GOLGA4: variants seen among roughly 807,000 people sequenced by gnomAD.
GOLGA4 encodes the protein golgin subfamily A member 4.
A neutral mutation model predicts 265.9 loss-of-function variants in GOLGA4; 169 were observed. That is an observed-to-expected ratio of 0.64 (90% CI 0.56 to 0.72). GOLGA4 has a LOEUF of 0.72. Ranked by LOEUF, GOLGA4 falls within the 30% of genes least tolerant of loss-of-function variation. The pLI is 0.00. For synonymous variants in GOLGA4, 923 were observed against 855.8 expected (o/e 1.08, Z -1.37); for missense variants, 2,482 against 2,483.4 (o/e 1.00, Z 0.01).
chr3:37,287,002 T>C (rs537394608), intron 4 of GOLGA4, among the ~76,000 whole-genome samples: 25 of 152,304 alleles, frequency 1.6e-4, no homozygotes, highest in Admixed American at 1.2e-3. Context: ...AGGAGAAATA[T>C]CCATTCCCTT....
In GOLGA4 at chr3:37,337,173, GTTC is replaced by G. The variant is rs751448255; in HGVS notation, c.6327+16_6327+18del. The G allele has an allele frequency of 1.3e-5, 17 of 1,349,104 alleles. No homozygotes were observed. Among genetic ancestry groups the G allele is most frequent in the Middle Eastern group, 2.0e-4 (1 of 5,038 alleles). 83.6% of individuals were successfully genotyped at this position (1,349,104 alleles called of 1,614,324 possible). A position where few individuals can be genotyped will look rare whatever the true frequency, so the allele number is the denominator to read the frequency against. On this transcript the variant is annotated intron_variant, in intron 18 of 23. Transcript: ENST00000361924. Reference sequence around the variant, plus strand: ...AATTATGGAGCTACAGGTAAGGCTAGTTCTTCTTTTTTTTTTTTTCTTTTTTTT... The same window carrying G: ...AATTATGGAGCTACAGGTAAGGCTAGTTCTTTTTTTTTTTTTCTTTTTTTT...
intron 2 of GOLGA4, among the ~76,000 whole-genome samples, chr3:37,273,918 A>G (rs2096805945): frequency 6.6e-6 from 1 of 152,130 alleles, no homozygotes; most frequent in African/African-American, 2.4e-5. Flanking sequence ...CTTGGCCAAC[A>G]TGGCAAAACT....
chr3:37,327,633 A>G lies in GOLGA4; in HGVS notation c.5747A>G (p.Lys1916Arg), dbSNP rs373442638. 1 of 1,613,872 alleles carries G rather than the reference A, an allele frequency of 6.2e-7. No homozygotes were observed. The highest frequency in any genetic ancestry group is 1.3e-5 in the African/African-American group (1 of 75,026). ...TCCAAATCACATTTGGTCCAACCCA[A>G]ATTGCTTAGTAACATGGAAGCCCAG... ...EKSKSHLVQPKLLSNMEAQHN... is the reference protein window; with the variant it reads ...EKSKSHLVQPRLLSNMEAQHN... Residue 1916 changes from lysine (K) to arginine (R), a missense_variant, in exon 14 of 24, where the codon AAA becomes AGA. Around this residue, in one of 3 missense-constraint regions of GOLGA4, gnomAD observed 942 missense variants for 983.1 expected, o/e 0.96. Coordinates refer to ENST00000361924, the MANE Select transcript of GOLGA4 (RefSeq NM_002078.5).
intron 2 of GOLGA4, among the ~76,000 whole-genome samples, chr3:37,254,539 T>A (rs2096743112): frequency 6.6e-6 from 1 of 152,036 alleles, no homozygotes; most frequent in Non-Finnish European, 1.5e-5. Context: ...TGTTTAATTG[T>A]TTTAAAGTCG....
At chr3:37,318,219 CT>C (rs763053779) in intron 11 of GOLGA4, among the ~76,000 whole-genome samples, 2 of 151,702 alleles carry the variant, frequency 1.3e-5, no homozygotes, top group Non-Finnish European at 2.9e-5. Context: ...GCCATATTAT[CT>C]TTTTTTTGTA....
intron 10 of GOLGA4, 126 bp downstream of exon 10, chr3:37,302,458 C>T (rs2096895672): frequency 7.5e-6 from 6 of 801,362 alleles, no homozygotes; most frequent in African/African-American, 1.8e-5. Context: ...CCTAATAAGA[C>T]ACCCATCTGC....
At chr3:37,273,357 C>G (rs1021184223) in intron 2 of GOLGA4, among the ~76,000 whole-genome samples, 2 of 152,150 alleles carry the variant, frequency 1.3e-5, no homozygotes, top group African/African-American at 4.8e-5. Flanking sequence ...TTCTAAAATA[C>G]TTACCATACT....
intron 16 of GOLGA4, 65 bp downstream of exon 16, chr3:37,329,158 C>A: frequency 1.6e-6 from 2 of 1,285,354 alleles, no homozygotes; most frequent in Non-Finnish European, 2.1e-6. Flanking sequence ...ATGGTAGTGC[C>A]AAAGATTTCC....
intron 14 of GOLGA4, among the ~76,000 whole-genome samples, 183 bp from the exon 15 acceptor site, chr3:37,328,233 G>GACACACACACAC (rs4021346): frequency 1.5e-3 from 208 of 138,532 alleles, no homozygotes; most frequent in Admixed American, 6.4e-3. Flanking sequence ...TATGTACCTG[G>GACACACACACAC]ACACACACAC....
chr3:37,249,464 GAGT>G (rs1437009548), intron 1 of GOLGA4, among the ~76,000 whole-genome samples: 2 of 152,004 alleles, frequency 1.3e-5, no homozygotes, highest in Non-Finnish European at 2.9e-5. Flanking sequence ...ACCCAGGCTG[GAGT>G]GTAGTGGTGC....
chr3:37,332,100 G>C (rs1276795935), intron 16 of GOLGA4, among the ~76,000 whole-genome samples: 1 of 152,084 alleles, frequency 6.6e-6, no homozygotes, highest in Non-Finnish European at 1.5e-5. Context: ...GTTATTTTCT[G>C]TCTGGAAACA....
chr3:37,279,386 T>TC (rs2096828429), intron 2 of GOLGA4, among the ~76,000 whole-genome samples: 1 of 151,912 alleles, frequency 6.6e-6, no homozygotes, highest in Non-Finnish European at 1.5e-5. Flanking sequence ...GAAGAAAGCT[T>TC]CCCCCCGCCC....
At chr3:37,256,070 T>C (rs2096747846) in intron 2 of GOLGA4, among the ~76,000 whole-genome samples, 1 of 152,286 alleles carries the variant, frequency 6.6e-6, no homozygotes, top group East Asian at 1.9e-4. Context: ...TGGTGTGAAG[T>C]AGGGATCAAG....
intron 2 of GOLGA4, among the ~76,000 whole-genome samples, chr3:37,255,893 C>T (rs998868658): frequency 6.6e-6 from 1 of 152,076 alleles, no homozygotes; most frequent in Non-Finnish European, 1.5e-5. Context: ...GCTGGGATTA[C>T]AGGCATGAGT....
At chr3:37,328,688 C>T (rs1185571048) in intron 15 of GOLGA4, 151 bp downstream of exon 15, 5 of 809,084 alleles carry the variant, frequency 6.2e-6, no homozygotes, top group Non-Finnish European at 9.6e-6. Context: ...GGGAACCTGC[C>T]CTGCTTGGCA....
chr3:37,284,238 G>A (rs905714288), intron 3 of GOLGA4, among the ~76,000 whole-genome samples: 4 of 152,022 alleles, frequency 2.6e-5, no homozygotes, highest in African/African-American at 9.7e-5. Flanking sequence ...GGATGTGCAG[G>A]GTTGTTACAC....
At chr3:37,337,808 T>C in intron 19 of GOLGA4, 74 bp downstream of exon 19, 3 of 967,246 alleles carry the variant, frequency 3.1e-6, no homozygotes, top group Non-Finnish European at 3.3e-6. Context: ...AGCTACTTTT[T>C]AAATAGTTGG....
chr3:37,288,067 T>C (rs2096854535), intron 4 of GOLGA4, among the ~76,000 whole-genome samples: 1 of 152,028 alleles, frequency 6.6e-6, no homozygotes, highest in African/African-American at 2.4e-5. Context: ...GGTGAGTCAT[T>C]TCATCTCACA....
chr3:37,341,165 A>C (rs1202391258), intron 20 of GOLGA4, among the ~76,000 whole-genome samples: 1 of 152,154 alleles, frequency 6.6e-6, no homozygotes, highest in African/African-American at 2.4e-5. Context: ...TGCCTCCCAA[A>C]GTGCAGGGAT....
Sources: gnomAD v4.1 joint callset for allele counts (sites outside exome capture counted in the v4.1 genomes callset) on GRCh38, gnomAD v4.1.1 for gene constraint, gnomAD v4.1.1 regional missense constraint, MANE v1.5 for transcripts, NCBI Gene and HGNC (gene_info 2026-07-23, HGNC 2026-07-21) for gene names.